CSMD1: variants seen among roughly 807,000 people sequenced by gnomAD.
CSMD1 encodes the protein CUB and Sushi multiple domains 1, also known as CUB and sushi domain-containing protein 1.
In CSMD1, 213 loss-of-function variants were observed where a neutral mutation model predicts 417.5. That is an observed-to-expected ratio of 0.51 (90% CI 0.46 to 0.57). The LOEUF (loss-of-function observed/expected upper bound fraction) is 0.57. Among genes scored for constraint, CSMD1 ranks in the 20% least tolerant of loss-of-function variants. The pLI is 0.00. For synonymous variants in CSMD1, 2,862 were observed against 1,736.8 expected (o/e 1.65, Z -16.11); for missense variants, 6,923 against 4,529.7 (o/e 1.53, Z -15.17).
chr8:3,456,126 TCTC>T (rs777740614), intron 12 of CSMD1, among the ~76,000 whole-genome samples: 3 of 152,158 alleles, frequency 2.0e-5, no homozygotes, highest in Non-Finnish European at 2.9e-5. Flanking sequence ...CAGGATATAA[TCTC>T]CTGGTGTGCC....
intron 30 of CSMD1, among the ~76,000 whole-genome samples, chr8:3,210,535 A>G (rs1797545799): frequency 9.5e-6 from 1 of 104,956 alleles, no homozygotes; most frequent in Non-Finnish European, 2.0e-5. Flanking sequence ...GTGAATATAT[A>G]TACATATATA....
At chr8:3,972,816 G>T (rs966366905) in intron 5 of CSMD1, among the ~76,000 whole-genome samples, 2 of 152,046 alleles carry the variant, frequency 1.3e-5, no homozygotes, top group African/African-American at 4.8e-5. Context: ...AATAATTTTG[G>T]ATATTCACAC....
intron 3 of CSMD1, among the ~76,000 whole-genome samples, chr8:4,390,441 G>A (rs1187274437): frequency 6.6e-6 from 1 of 151,804 alleles, no homozygotes; most frequent in Non-Finnish European, 1.5e-5. Flanking sequence ...ATGACATATT[G>A]GATGTGTTTT....
At chr8:4,459,489 G>C (rs1022187837) in intron 2 of CSMD1, among the ~76,000 whole-genome samples, 4 of 152,144 alleles carry the variant, frequency 2.6e-5, no homozygotes, top group Non-Finnish European at 5.9e-5. Context: ...TCAAATCCAA[G>C]GTTGCTCTCA....
intron 10 of CSMD1, among the ~76,000 whole-genome samples, chr8:3,518,429 A>C (rs1036471839): frequency 4.6e-5 from 7 of 152,182 alleles, no homozygotes; most frequent in African/African-American, 1.7e-4. Flanking sequence ...GACACACAAA[A>C]ATCTGCTTTT....
At chr8:3,160,320 A>G (rs886717613) in intron 38 of CSMD1, among the ~76,000 whole-genome samples, 1 of 152,060 alleles carries the variant, frequency 6.6e-6, no homozygotes, top group African/African-American at 2.4e-5. Context: ...ATGGTGTCTC[A>G]CTGTGTTGCC....
rs75681747 is a variant in CSMD1 at position 4,098,921 on chromosome 8, C to A, written c.416-66822G>T. Among the ~76,000 whole-genome samples the A allele has an allele frequency of 2.6e-5, 4 of 152,238 alleles. No homozygotes were observed. The South Asian group carries it at 6.2e-4, about 24-fold the overall frequency. On this transcript the variant is annotated intron_variant, in intron 3 of 69. Transcript: ENST00000635120. ...TGTGGGTTAGAACCAGTATTAGAGA[C>A]TGGGGTACAACACAGAAAAAATGTT...
At chr8:3,356,737 C>T (rs750784909) in intron 21 of CSMD1, among the ~76,000 whole-genome samples, 1 of 152,174 alleles carries the variant, frequency 6.6e-6, no homozygotes, top group African/African-American at 2.4e-5. Flanking sequence ...TTTGCACCAA[C>T]CTTATAGAAA....
intron 5 of CSMD1, among the ~76,000 whole-genome samples, chr8:3,801,092 G>T (rs1441424297): frequency 2.0e-5 from 3 of 151,746 alleles, no homozygotes; most frequent in African/African-American, 7.3e-5. Context: ...AAAAGCACAA[G>T]GAATTAAAGA....
intron 10 of CSMD1, among the ~76,000 whole-genome samples, chr8:3,536,283 T>A (rs931732440): frequency 1.3e-5 from 2 of 152,224 alleles, no homozygotes; most frequent in African/African-American, 2.4e-5. Flanking sequence ...GACAGCAACT[T>A]GTACTTAAAC....
chr8:4,925,535 T>G (rs1563782361), intron 1 of CSMD1, among the ~76,000 whole-genome samples: 1 of 10,670 alleles, frequency 9.4e-5, no homozygotes, highest in African/African-American at 1.1e-4. Flanking sequence ...GTCTGGCATT[T>G]TCTTTTTTTT....
At chr8:4,382,879 G>T (rs1803195160) in intron 3 of CSMD1, among the ~76,000 whole-genome samples, 1 of 152,166 alleles carries the variant, frequency 6.6e-6, no homozygotes, top group Non-Finnish European at 1.5e-5. Context: ...GGCGCAGTAA[G>T]ATTAAATAAA....
At chr8:4,769,759 C>A (rs1319440779) in intron 1 of CSMD1, among the ~76,000 whole-genome samples, 1 of 152,100 alleles carries the variant, frequency 6.6e-6, no homozygotes, top group Admixed American at 6.5e-5. Flanking sequence ...GCCTGCTGCC[C>A]CTCCCTTGCC....
intron 7 of CSMD1, among the ~76,000 whole-genome samples, chr8:3,681,019 G>C (rs926940724): frequency 4.2e-4 from 64 of 152,118 alleles, no homozygotes; most frequent in Non-Finnish European, 1.3e-4. Flanking sequence ...CAATAAATTA[G>C]GTATTGATGG....
At chr8:3,978,587 T>C (rs375410094) in intron 5 of CSMD1, among the ~76,000 whole-genome samples, 2 of 152,136 alleles carry the variant, frequency 1.3e-5, no homozygotes, top group South Asian at 2.1e-4. Flanking sequence ...AATGAATAGA[T>C]TGAGGCATGT....
At chr8:3,635,793 CAAAAA>C (rs752552617) in intron 7 of CSMD1, among the ~76,000 whole-genome samples, 9 of 99,282 alleles carry the variant, frequency 9.1e-5, no homozygotes, top group African/African-American at 3.7e-4. Context: ...GCTTCCATCT[CAAAAA>C]AAAAAAAAAA....
intron 7 of CSMD1, among the ~76,000 whole-genome samples, chr8:3,654,796 C>A (rs1244961447): frequency 6.6e-6 from 1 of 152,160 alleles, no homozygotes; most frequent in African/African-American, 2.4e-5. Context: ...GGTCTACCAG[C>A]TGCCTCAGGG....
chr8:3,788,359 G>C (rs1294561210), intron 5 of CSMD1, among the ~76,000 whole-genome samples: 1 of 152,176 alleles, frequency 6.6e-6, no homozygotes, highest in African/African-American at 2.4e-5. Context: ...TGCAGCCCAT[G>C]CCTCCCTGTG....
chr8:4,953,035 G>A (rs890935852), intron 1 of CSMD1, among the ~76,000 whole-genome samples: 2 of 149,894 alleles, frequency 1.3e-5, no homozygotes, highest in Admixed American at 6.8e-5. Context: ...AGATGAGAGT[G>A]ACCATTAATA....
Sources: gnomAD v4.1 joint callset for allele counts (sites outside exome capture counted in the v4.1 genomes callset) on GRCh38, gnomAD v4.1.1 for gene constraint, MANE v1.5 for transcripts, NCBI Gene and HGNC (gene_info 2026-07-23, HGNC 2026-07-21) for gene names.